The following RPL26L1 variants were observed in gnomAD, a reference collection of about 807,000 sequenced individuals.
The protein encoded by RPL26L1 is ribosomal protein L26 like 1.
A neutral mutation model predicts 15.2 loss-of-function variants in RPL26L1; 8 were observed. The observed-to-expected ratio is 0.53, with a 90% CI of 0.31 to 0.95. The LOEUF (loss-of-function observed/expected upper bound fraction) is 0.95, where lower values mean the gene tolerates loss of function less well. RPL26L1 is among the 40% of genes least tolerant of loss of function. The pLI is 0.05. For synonymous variants in RPL26L1, 51 were observed against 65.9 expected, an observed-to-expected ratio of 0.77 and a Z score of 1.09; for missense variants, 146 against 190.9, an observed-to-expected ratio of 0.76 and a Z score of 1.39.
chr5:172,959,514 C>G, intron 1 of RPL26L1, 46 bp downstream of exon 1: 2 of 1,080,818 alleles, frequency 1.9e-6, no homozygotes, highest in Non-Finnish European at 2.3e-6. Flanking sequence ...TCTACCGCCC[C>G]GTGAGACCCT....
upstream of RPL26L1, chr5:172,956,925 G>T (rs1391093748): frequency 3.8e-6 from 1 of 266,134 alleles, no homozygotes; most frequent in South Asian, 3.4e-5. Flanking sequence ...GCGACAGAGC[G>T]AGACTCTATC....
chr5:172,966,111 ACTTCT>A (rs1220038278), intron 2 of RPL26L1, among the ~76,000 whole-genome samples: 3 of 151,124 alleles, frequency 2.0e-5, no homozygotes, highest in Non-Finnish European at 4.4e-5. Context: ...GAGGTTGTCC[ACTTCT>A]CTTTTTAAAA....
At chr5:172,969,317 C>T (rs1328154038) in intron 3 of RPL26L1, 96 bp from the exon 4 acceptor site, 1 of 1,291,840 alleles carries the variant, frequency 7.7e-7, no homozygotes, top group African/African-American at 1.5e-5. Context: ...TCCTTAAAAG[C>T]TGAATGGCTG....
chr5:172,968,775 G>C, intron 3 of RPL26L1, among the ~76,000 whole-genome samples, 176 bp downstream of exon 3: 1 of 116,012 alleles, frequency 8.6e-6, no homozygotes, highest in East Asian at 2.8e-4. Flanking sequence ...TCTCTTTTCT[G>C]TTTTGCCTTT....
intron 2 of RPL26L1, among the ~76,000 whole-genome samples, chr5:172,964,279 G>A (rs1755361812): frequency 3.6e-5 from 1 of 27,672 alleles, no homozygotes; most frequent in African/African-American, 6.5e-5. Flanking sequence ...CTGGCCTGTT[G>A]CCTTTTTTTT....
intron 2 of RPL26L1, among the ~76,000 whole-genome samples, chr5:172,961,958 A>C (rs935825882): frequency 1.3e-5 from 2 of 151,816 alleles, no homozygotes; most frequent in African/African-American, 4.8e-5. Flanking sequence ...CCAGAATCCA[A>C]CTCTACTCCC....
At chr5:172,968,136 G>A (rs6865586) in intron 2 of RPL26L1, among the ~76,000 whole-genome samples, 94,591 of 151,838 alleles carry the variant, frequency 0.62, 34,952 homozygotes, top group Non-Finnish European at 0.81. Flanking sequence ...AAACACTTCT[G>A]GTCTCAAGCA....
At chr5:172,959,497 A>G (rs917755678) in intron 1 of RPL26L1, 29 bp downstream of exon 1, 12 of 1,040,942 alleles carry the variant, frequency 1.2e-5, no homozygotes, top group African/African-American at 8.3e-5. Flanking sequence ...TTTCTCGGAC[A>G]GTGAACTCTA....
At chr5:172,968,212 A>AGT (rs1443321548) in intron 2 of RPL26L1, among the ~76,000 whole-genome samples, 4 of 152,100 alleles carry the variant, frequency 2.6e-5, no homozygotes, top group Non-Finnish European at 5.9e-5. Flanking sequence ...TTCTATATGT[A>AGT]GTTTTGTATT....
At chr5:172,967,888 GTATA>G (rs1303340119) in intron 2 of RPL26L1, among the ~76,000 whole-genome samples, 2 of 151,212 alleles carry the variant, frequency 1.3e-5, no homozygotes, top group Admixed American at 6.6e-5. Flanking sequence ...ATACGTGTAT[GTATA>G]TATGACATAT....
At chr5:172,961,545 C>T (rs1430826073) in intron 2 of RPL26L1, among the ~76,000 whole-genome samples, 3 of 152,214 alleles carry the variant, frequency 2.0e-5, no homozygotes, top group Non-Finnish European at 2.9e-5. Flanking sequence ...TAACCAACCT[C>T]CTCAAGAGAG....
chr5:172,956,321 G>A (rs1334121689), upstream of RPL26L1, among the ~76,000 whole-genome samples: 1 of 152,092 alleles, frequency 6.6e-6, no homozygotes, highest in South Asian at 2.1e-4. Context: ...CATCTTCCTA[G>A]ATTAATAAAT....
At chr5:172,956,121 C>G (rs569805753), upstream of RPL26L1, 1 of 152,210 alleles carries the variant, frequency 6.6e-6, no homozygotes, top group African/African-American at 2.4e-5. Context: ...ACAAATAACA[C>G]AGGCTCATAA....
At chr5:172,964,281 C>CCTTTT (rs1402885653) in intron 2 of RPL26L1, among the ~76,000 whole-genome samples, 3,955 of 99,100 alleles carry the variant, frequency 0.04, 583 homozygotes, top group African/African-American at 0.096. Context: ...GGCCTGTTGC[C>CCTTTT]TTTTTTTTTT....
intron 2 of RPL26L1, among the ~76,000 whole-genome samples, chr5:172,966,122 TA>T (rs890232058): frequency 2.0e-5 from 3 of 151,886 alleles, no homozygotes; most frequent in Non-Finnish European, 2.9e-5. Flanking sequence ...CTTCTCTTTT[TA>T]AAAATTTTTT....
intron 2 of RPL26L1, among the ~76,000 whole-genome samples, chr5:172,966,772 G>A (rs1017614493): frequency 2.0e-5 from 3 of 152,076 alleles, no homozygotes; most frequent in South Asian, 2.1e-4. Flanking sequence ...CAAGCTATAC[G>A]TAGACATTTT....
intron 2 of RPL26L1, among the ~76,000 whole-genome samples, chr5:172,964,667 G>A (rs1372092145): frequency 1.3e-5 from 2 of 152,206 alleles, no homozygotes; most frequent in Non-Finnish European, 1.5e-5. Flanking sequence ...TCTCCACCAG[G>A]AGAATAAAAT....
intron 3 of RPL26L1, 72 bp from the exon 4 acceptor site, chr5:172,969,341 C>T: frequency 6.6e-7 from 1 of 1,505,162 alleles, no homozygotes; most frequent in Non-Finnish European, 9.1e-7. Flanking sequence ...TCTTACTTAA[C>T]TTATGATGTC....
chr5:172,956,530 A>C (rs985719139), upstream of RPL26L1, among the ~76,000 whole-genome samples: 1 of 152,230 alleles, frequency 6.6e-6, no homozygotes, highest in Admixed American at 6.5e-5. Context: ...AATGCCTGAC[A>C]GTAAATGCTC....
Sources: gnomAD v4.1 joint callset for allele counts (sites outside exome capture counted in the v4.1 genomes callset) on GRCh38, gnomAD v4.1.1 for gene constraint, MANE v1.5 for transcripts, NCBI Gene and HGNC (gene_info 2026-07-23, HGNC 2026-07-21) for gene names.